Variants in SYNPR observed in about 807,000 individuals in gnomAD.
SYNPR encodes the protein synaptoporin.
SYNPR carries 23 observed loss-of-function variants against 32.9 expected under a neutral mutation model. The ratio of observed to expected loss-of-function variants is 0.70; its 90% CI spans 0.50 to 0.99. SYNPR has a LOEUF of 0.99. Among genes scored for constraint, SYNPR ranks in the 50% least tolerant of loss-of-function variants. The pLI is 0.00. For synonymous variants in SYNPR, 146 were observed against 135.9 expected, an observed-to-expected ratio of 1.07 and a Z score of -0.52; for missense variants, 318 against 349.3, an observed-to-expected ratio of 0.91 and a Z score of 0.71.
At chr3:63,424,119 T>G (rs1699852477) in intron 2 of SYNPR, among the ~76,000 whole-genome samples, 1 of 152,200 alleles carries the variant, frequency 6.6e-6, no homozygotes, top group Admixed American at 6.5e-5. Flanking sequence ...GAGCTTAAGT[T>G]GGTAATAACA....
In SYNPR at chr3:63,388,317, C is replaced by G. The variant is rs141754800; in HGVS notation, c.85-92515C>G. ...GAAGGCATATCACAGCATCCCCTAT[C>G]CTGTGAATTATAAACTGGACCTCAT... is the stretch of plus-strand genomic sequence containing the variant. On this transcript the variant is annotated intron_variant, in intron 2 of 5. Coordinates refer to ENST00000478300, the MANE Select transcript of SYNPR (RefSeq NM_001130003.2). Among the ~76,000 whole-genome samples the G allele has an allele frequency of 4.9e-4, 74 of 151,512 alleles. No homozygotes were observed. In the East Asian group the frequency reaches 0.014, roughly 29 times the overall value.
At chr3:63,594,161 C>A (rs1385369815) in intron 4 of SYNPR, among the ~76,000 whole-genome samples, 1 of 152,122 alleles carries the variant, frequency 6.6e-6, no homozygotes, top group Non-Finnish European at 1.5e-5. Flanking sequence ...ACAGGTAAGG[C>A]ATCATACCTT....
intron 2 of SYNPR, among the ~76,000 whole-genome samples, chr3:63,361,584 C>G (rs35693695): frequency 7.5e-6 from 1 of 133,750 alleles, no homozygotes. Flanking sequence ...GGTGACAGAG[C>G]GAGACTCTGT....
chr3:63,486,150 C>T (rs181282389), intron 3 of SYNPR, among the ~76,000 whole-genome samples: 5 of 152,274 alleles, frequency 3.3e-5, no homozygotes, highest in Admixed American at 2.6e-4. Context: ...CTCAAGTGAT[C>T]CACCTACCTT....
At position 63,397,380 on chromosome 3, in the gene SYNPR, A is replaced by G. The variant is rs1211461483; in HGVS notation, c.85-83452A>G. Among the ~76,000 whole-genome samples the G allele has an allele frequency of 2.0e-5, 3 of 152,194 alleles. No homozygotes were observed. The East Asian group carries it at 5.8e-4, about 29-fold the overall frequency. On this transcript the variant is annotated intron_variant, in intron 2 of 5. Coordinates refer to ENST00000478300, the MANE Select transcript of SYNPR (RefSeq NM_001130003.2). ...ATCTTAGTTGAAACTCTGGTATAAA[A>G]CAGAAATTGAGCTAATCTGATGAAA... is the stretch of plus-strand genomic sequence containing the variant.
chr3:63,559,546 C>A (rs1337251940), intron 4 of SYNPR, among the ~76,000 whole-genome samples: 3 of 151,992 alleles, frequency 2.0e-5, no homozygotes, highest in African/African-American at 7.3e-5. Flanking sequence ...GAGATCTGAA[C>A]CTTAAAACAA....
chr3:63,390,560 C>T (rs189676454), intron 2 of SYNPR, among the ~76,000 whole-genome samples: 10 of 152,280 alleles, frequency 6.6e-5, no homozygotes, highest in Admixed American at 2.0e-4. Context: ...AAATAGAGCC[C>T]GTTGTGCATC....
chr3:63,241,243 G>A (rs527314398), intron 1 of SYNPR, among the ~76,000 whole-genome samples: 140 of 152,208 alleles, frequency 9.2e-4, no homozygotes, highest in African/African-American at 3.1e-3. Flanking sequence ...ATGGACCTCC[G>A]TATTCTCCCC....
intron 3 of SYNPR, among the ~76,000 whole-genome samples, chr3:63,538,311 A>G (rs2106799104): frequency 6.6e-6 from 1 of 152,112 alleles, no homozygotes; most frequent in East Asian, 1.9e-4. Context: ...AATTTCAAGC[A>G]GAGAGAATAA....
intron 4 of SYNPR, among the ~76,000 whole-genome samples, chr3:63,570,975 C>G (rs565488822): frequency 1.4e-4 from 21 of 152,186 alleles, no homozygotes; most frequent in African/African-American, 5.1e-4. Flanking sequence ...TATAAAAGAA[C>G]CCCCCAAAAT....
chr3:63,283,810 C>CTTTTTTT (rs142282438), intron 2 of SYNPR, among the ~76,000 whole-genome samples: 16 of 87,158 alleles, frequency 1.8e-4, no homozygotes, highest in African/African-American at 4.4e-4. Context: ...AGATAATTAC[C>CTTTTTTT]TTTTTTTTTT....
chr3:63,334,901 A>C (rs1432963454), intron 2 of SYNPR, among the ~76,000 whole-genome samples: 2 of 152,154 alleles, frequency 1.3e-5, no homozygotes, highest in East Asian at 3.9e-4. Flanking sequence ...TTAAAACCTG[A>C]TACTGGAAGA....
chr3:63,259,141 G>A (rs1161022677), intron 2 of SYNPR, among the ~76,000 whole-genome samples: 1 of 152,060 alleles, frequency 6.6e-6, no homozygotes, highest in East Asian at 1.9e-4. Flanking sequence ...TCTACCAGAG[G>A]TACAAGGAAG....
intron 2 of SYNPR, among the ~76,000 whole-genome samples, chr3:63,429,426 C>A (rs1559497099): frequency 6.6e-6 from 1 of 152,172 alleles, no homozygotes; most frequent in Non-Finnish European, 1.5e-5. Flanking sequence ...CACTTCTGCT[C>A]ACTCTGCGTA....
chr3:63,290,165 A>C (rs2106929234), intron 2 of SYNPR, among the ~76,000 whole-genome samples: 1 of 151,976 alleles, frequency 6.6e-6, no homozygotes, highest in East Asian at 1.9e-4. Context: ...ATATGAAAAA[A>C]TTAAGGCCTC....
Position 63,297,665 on chromosome 3 carries a change from T to C in SYNPR, c.84+18923T>C, listed in dbSNP as rs75184774. Among the ~76,000 whole-genome samples the C allele has an allele frequency of 6.4e-3, 980 of 152,254 alleles. 10 individuals carry two copies. The highest frequency in any genetic ancestry group is 0.022 in the African/African-American group (923 of 41,524). ...TTAGCAAGATAGTCTGGTAATACTT[T>C]AACGGTTATCTTTAAGTAGTACCTC... On this transcript the variant is annotated intron_variant, in intron 2 of 5. Transcript: ENST00000478300.
At chr3:63,601,273 C>CAAA (rs11463845) in intron 4 of SYNPR, among the ~76,000 whole-genome samples, 1 of 138,188 alleles carries the variant, frequency 7.2e-6, no homozygotes, top group Non-Finnish European at 1.6e-5. Context: ...AACGCCATCT[C>CAAA]AAAAAAAAAA....
chr3:63,351,008 G>C (rs1414309306), intron 2 of SYNPR, among the ~76,000 whole-genome samples: 1 of 152,106 alleles, frequency 6.6e-6, no homozygotes, highest in Non-Finnish European at 1.5e-5. Flanking sequence ...TCTTGACTGT[G>C]TGCCCCTTAT....
chr3:63,480,946 T>TCAGCATCG lies in SYNPR; in HGVS notation c.199_200insCAGCATCG (p.Tyr67SerfsTer11). The stretch of plus-strand genomic sequence containing the variant: ...CCTCAGCATCGACATAGCGTTTGCC[T>TCAGCATCG]ACCCATTCAGGTAGGGAATGGTGGT... On this transcript the variant is annotated frameshift_variant, in exon 3 of 6. Transcript: ENST00000478300. LOFTEE classifies it high-confidence loss of function. 6.2e-7 allele frequency: 1 copy of TCAGCATCG among 1,612,198 alleles called. No homozygotes were observed. Among genetic ancestry groups the TCAGCATCG allele is most frequent in the Non-Finnish European group, 8.5e-7 (1 of 1,178,730 alleles).
Sources: allele counts gnomAD v4.1 joint callset (sites outside exome capture counted in the v4.1 genomes callset), GRCh38; gene constraint gnomAD v4.1.1; transcripts MANE v1.5; gene names NCBI Gene and HGNC (gene_info 2026-07-23, HGNC 2026-07-21).